The following KATNAL2 variants were observed in gnomAD, a reference collection of about 807,000 sequenced individuals.
KATNAL2 encodes katanin p60 ATPase-containing subunit A-like 2.
Under a neutral mutation model 76.3 loss-of-function variants are expected in KATNAL2, and 52 were observed. The ratio of observed to expected loss-of-function variants is 0.68; its 90% CI spans 0.55 to 0.86. KATNAL2 has a LOEUF of 0.86. Among genes scored for constraint, KATNAL2 ranks in the 40% least tolerant of loss-of-function variants. The pLI is 0.00. For missense variants in KATNAL2, 660 were observed against 668.9 expected (o/e 0.99, Z 0.15); for synonymous variants, 243 against 244.2 (o/e 1.00, Z 0.05).
intron 4 of KATNAL2, among the ~76,000 whole-genome samples, chr18:47,047,040 C>T (rs1397043575): frequency 6.6e-6 from 1 of 152,130 alleles, no homozygotes; most frequent in Non-Finnish European, 1.5e-5. Context: ...CTGCTCCCAG[C>T]CTCCCCAGTA....
At chr18:46,968,804 T>TTGC in intron 3 of KATNAL2, 1 of 385,952 alleles carries the variant, frequency 2.6e-6, no homozygotes, top group Non-Finnish European at 4.3e-6. Flanking sequence ...CGCGTGCCGG[T>TTGC]TGCTGCTGCC....
At position 47,031,012 on chromosome 18, in the gene KATNAL2, T is replaced by TCC. The variant is rs372151610; in HGVS notation, c.52-15431_52-15430dup. Among the ~76,000 whole-genome samples, 5 of 6,630 alleles carry TCC rather than the reference T, an allele frequency of 7.5e-4. 1 individual carries two copies. Among genetic ancestry groups the TCC allele is most frequent in the Admixed American group, 3.4e-3 (1 of 296 alleles). 4.3% of individuals were successfully genotyped at this position (6,630 alleles called of 152,430 possible). A position where few individuals can be genotyped will look rare whatever the true frequency, so the allele number is the denominator to read the frequency against. On this transcript the variant is annotated intron_variant, in intron 3 of 17. Transcript: ENST00000683218. Reference sequence around the variant, plus strand: ...CAACCAGCAGAATCCCTCTAGCATCTCCCCCCCCCCCCCCCGCCCCCAACG... The same window carrying TCC: ...CAACCAGCAGAATCCCTCTAGCATCTCCCCCCCCCCCCCCCCCGCCCCCAACG...
In KATNAL2 at chr18:47,067,120, GT is replaced by G; in HGVS notation, c.825+2del. ...AGAAGCTGTTGTGTATCCTATAAGG[GT>G]AAGGACGGGAAGCCTCTTGGGGGTT... On this transcript the variant is annotated splice_donor_variant, in intron 11 of 17. Transcript: ENST00000683218. LOFTEE classifies it high-confidence loss of function. 1 of 1,519,050 alleles carries G rather than the reference GT, an allele frequency of 6.6e-7. No individual in the cohort carries two copies. The highest frequency in any genetic ancestry group is 9.0e-7 in the Non-Finnish European group (1 of 1,109,030). 94.1% of individuals were successfully genotyped at this position (1,519,050 alleles called of 1,614,324 possible).
At chr18:47,073,868 C>T (rs938435852) in intron 13 of KATNAL2, among the ~76,000 whole-genome samples, 1 of 152,190 alleles carries the variant, frequency 6.6e-6, no homozygotes, top group Non-Finnish European at 1.5e-5. Context: ...GTGGAAAGAG[C>T]AATGCAGAGG....
intron 15 of KATNAL2, among the ~76,000 whole-genome samples, chr18:47,092,955 T>G (rs112358684): frequency 6.6e-5 from 10 of 152,260 alleles, no homozygotes; most frequent in African/African-American, 2.2e-4. Context: ...CATCAAGAGA[T>G]AGATTTCTAT....
At chr18:46,951,306 G>A (rs2059546473) in intron 3 of KATNAL2, among the ~76,000 whole-genome samples, 1 of 151,776 alleles carries the variant, frequency 6.6e-6, no homozygotes, top group Non-Finnish European at 1.5e-5. Context: ...ATTCTTCTTT[G>A]GTTTACTTTT....
intron 1 of KATNAL2, among the ~76,000 whole-genome samples, chr18:46,940,028 T>C (rs138357855): frequency 6.6e-6 from 1 of 152,358 alleles, no homozygotes; most frequent in East Asian, 1.9e-4. Context: ...TTCCACTCCT[T>C]GTCTCATTTA....
intron 10 of KATNAL2, among the ~76,000 whole-genome samples, chr18:47,065,474 G>C (rs2061761395): frequency 6.6e-6 from 1 of 151,938 alleles, no homozygotes; most frequent in South Asian, 2.1e-4. Flanking sequence ...AGAGGTTCTG[G>C]AACCAATCTC....
At chr18:46,954,841 G>A (rs62095394) in intron 3 of KATNAL2, among the ~76,000 whole-genome samples, 7,414 of 152,034 alleles carry the variant, frequency 0.049, 266 homozygotes, top group East Asian at 0.13. Context: ...TTTTGGTAGA[G>A]AGGGTTTCAA....
chr18:46,936,468 G>A (rs1156315391), intron 1 of KATNAL2, among the ~76,000 whole-genome samples: 1 of 152,114 alleles, frequency 6.6e-6, no homozygotes, highest in Non-Finnish European at 1.5e-5. Flanking sequence ...TGCTGGGCAT[G>A]GTGGTATGCA....
chr18:46,954,533 G>T lies in KATNAL2; in HGVS notation c.51+7610G>T, dbSNP rs1327775450. Among the ~76,000 whole-genome samples the T allele has an allele frequency of 2.0e-5, 3 of 151,854 alleles. No individual in the cohort carries two copies. The East Asian group carries it at 5.8e-4, about 29-fold the overall frequency. ...TTTAGTACAGACAGGGTTTCACCAT[G>T]TTGGCCAGGATGGTCTTGATTTCTT... On this transcript the variant is annotated intron_variant, in intron 3 of 17. Transcript: ENST00000683218.
chr18:46,969,596 TCTGACTGG>T (rs2060221916), intron 3 of KATNAL2: 1 of 1,278,400 alleles, frequency 7.8e-7, no homozygotes, highest in Non-Finnish European at 1.1e-6. Context: ...CTGCAGCCTC[TCTGACTGG>T]CTTTCCTGGA....
chr18:46,920,162 G>C, intron 1 of KATNAL2: 1 of 983,296 alleles, frequency 1.0e-6, no homozygotes, highest in South Asian at 1.3e-5. Context: ...AAGAGTTCTA[G>C]GTGCTGCCCT....
intron 13 of KATNAL2, among the ~76,000 whole-genome samples, chr18:47,072,009 C>CA (rs1296725155): frequency 9.2e-6 from 1 of 108,414 alleles, no homozygotes; most frequent in Non-Finnish European, 1.7e-5. Flanking sequence ...CTTGCTCTGT[C>CA]ACCCAGGCTG....
chr18:46,957,684 T>G (rs1294846738), intron 3 of KATNAL2, among the ~76,000 whole-genome samples: 1 of 147,672 alleles, frequency 6.8e-6, no homozygotes, highest in African/African-American at 2.5e-5. Context: ...TGCCTCAGCC[T>G]CCCAAGTATC....
intron 4 of KATNAL2, among the ~76,000 whole-genome samples, chr18:47,047,098 T>G (rs1329952043): frequency 3.3e-5 from 5 of 152,172 alleles, no homozygotes; most frequent in Non-Finnish European, 5.9e-5. Flanking sequence ...TTTTTGTATT[T>G]TTTGTACAGA....
At chr18:46,957,346 C>T (rs1336173692) in intron 3 of KATNAL2, among the ~76,000 whole-genome samples, 3 of 150,654 alleles carry the variant, frequency 2.0e-5, no homozygotes, top group South Asian at 2.1e-4. Flanking sequence ...CTCCGCCCCC[C>T]GGGGTTCACG....
intron 5 of KATNAL2, 60 bp from the exon 6 acceptor site, chr18:47,054,336 A>C: frequency 6.8e-7 from 1 of 1,473,176 alleles, no homozygotes. Context: ...TACCTGAAAA[A>C]AATCACTTTG....
intron 3 of KATNAL2, among the ~76,000 whole-genome samples, chr18:47,043,861 G>A (rs923080116): frequency 1.3e-5 from 2 of 151,980 alleles, no homozygotes; most frequent in African/African-American, 4.8e-5. Context: ...AGTAACCATG[G>A]TATTTTTGGC....
Sources: allele counts gnomAD v4.1 joint callset (sites outside exome capture counted in the v4.1 genomes callset), GRCh38; gene constraint gnomAD v4.1.1; transcripts MANE v1.5; gene names NCBI Gene and HGNC (gene_info 2026-07-23, HGNC 2026-07-21).